CTNND2: variants seen among roughly 807,000 people sequenced by gnomAD.
CTNND2 encodes catenin delta 2, also known as catenin delta-2.
A neutral mutation model predicts 144.4 loss-of-function variants in CTNND2; 22 were observed. The observed-to-expected ratio is 0.15, with a 90% confidence interval of 0.11 to 0.22. The LOEUF (loss-of-function observed/expected upper bound fraction) is 0.22, where lower values mean the gene tolerates loss of function less well. CTNND2 is among the 10% of genes least tolerant of loss of function. The pLI is 1.00. For missense variants in CTNND2, 1,353 were observed against 1,618.8 expected (o/e 0.84, Z 2.82); for synonymous variants, 751 against 695.6 (o/e 1.08, Z -1.25).
intron 3 of CTNND2, among the ~76,000 whole-genome samples, chr5:11,495,786 C>T (rs1001898906): frequency 6.6e-6 from 1 of 152,106 alleles, no homozygotes; most frequent in Non-Finnish European, 1.5e-5. Context: ...AGAAAATCAC[C>T]GAAGTTCTGA....
At chr5:11,039,595 T>A (rs531217223) in intron 16 of CTNND2, among the ~76,000 whole-genome samples, 24 of 152,348 alleles carry the variant, frequency 1.6e-4, no homozygotes, top group Non-Finnish European at 2.8e-4. Context: ...AATCTGCCTG[T>A]TGTTTTAATT....
At chr5:11,089,342 G>A (rs1750517297) in intron 15 of CTNND2, among the ~76,000 whole-genome samples, 1 of 152,214 alleles carries the variant, frequency 6.6e-6, no homozygotes, top group African/African-American at 2.4e-5. Flanking sequence ...CTGGAAGTGT[G>A]CTTCCTCACC....
At chr5:11,028,333 T>G (rs2149547457) in intron 16 of CTNND2, among the ~76,000 whole-genome samples, 1 of 152,320 alleles carries the variant, frequency 6.6e-6, no homozygotes, top group South Asian at 2.1e-4. Flanking sequence ...TGTGGGTTTT[T>G]GCTGAGGTGC....
chr5:11,105,106 T>C (rs1752297969), intron 14 of CTNND2, among the ~76,000 whole-genome samples: 1 of 152,178 alleles, frequency 6.6e-6, no homozygotes, highest in East Asian at 1.9e-4. Context: ...CTTCCCAAAG[T>C]CACTGTGATG....
chr5:11,527,109 G>C (rs114766255), intron 3 of CTNND2, among the ~76,000 whole-genome samples: 170 of 152,150 alleles, frequency 1.1e-3, no homozygotes, highest in African/African-American at 4.0e-3. Flanking sequence ...TATACTTTCA[G>C]TTTTGGAAGA....
At chr5:11,692,226 A>C (rs967720484) in intron 2 of CTNND2, among the ~76,000 whole-genome samples, 6 of 152,208 alleles carry the variant, frequency 3.9e-5, no homozygotes, top group African/African-American at 1.4e-4. Context: ...CATAACTATT[A>C]GGGGTTTTTA....
At position 11,384,054 on chromosome 5, in the gene CTNND2, T is replaced by C. The variant is rs1005499940; in HGVS notation, c.1177+611A>G. Among the ~76,000 whole-genome samples the C allele has an allele frequency of 2.6e-5, 4 of 152,178 alleles. No individual in the cohort carries two copies. The highest frequency in any genetic ancestry group is 5.9e-5 in the Non-Finnish European group (4 of 68,038). On this transcript the variant is annotated intron_variant, in intron 7 of 21. Coordinates refer to ENST00000304623, the MANE Select transcript of CTNND2 (RefSeq NM_001332.4). This position sits in a 1 kb window ranked among gnomAD's most constrained non-coding sequence, Gnocchi z 5.2. ...ATCATTGCTAACTTTGTCGCAAATG[T>C]TAGGACCCAAGTACATCCAATGACA...
chr5:11,073,002 A>G (rs982561015), intron 16 of CTNND2, among the ~76,000 whole-genome samples: 4 of 152,218 alleles, frequency 2.6e-5, no homozygotes, highest in Admixed American at 2.0e-4. Context: ...CTGAAACCCA[A>G]TTACAGCTGT....
At chr5:10,977,024 A>G (rs994059848) in intron 21 of CTNND2, among the ~76,000 whole-genome samples, 1 of 152,252 alleles carries the variant, frequency 6.6e-6, no homozygotes, top group African/African-American at 2.4e-5. Flanking sequence ...GATGGGCCCC[A>G]GCAATCTGTG....
chr5:11,874,704 T>C (rs1290907946), intron 1 of CTNND2, among the ~76,000 whole-genome samples: 1 of 152,204 alleles, frequency 6.6e-6, no homozygotes, highest in Non-Finnish European at 1.5e-5. Context: ...AAGTTAAAAC[T>C]TATGAATTGC....
At chr5:11,851,894 C>T (rs1026913264) in intron 1 of CTNND2, among the ~76,000 whole-genome samples, 4 of 152,204 alleles carry the variant, frequency 2.6e-5, no homozygotes, top group Non-Finnish European at 4.4e-5. Flanking sequence ...GCAGTCGATG[C>T]TTTCTAGAAA....
intron 2 of CTNND2, among the ~76,000 whole-genome samples, chr5:11,573,446 C>G (rs1216401718): frequency 6.6e-6 from 1 of 152,056 alleles, no homozygotes; most frequent in Non-Finnish European, 1.5e-5. Context: ...TTAATTTTAC[C>G]CCACTGAAAC....
intron 3 of CTNND2, among the ~76,000 whole-genome samples, chr5:11,561,690 T>A (rs1031045728): frequency 3.3e-5 from 5 of 152,188 alleles, no homozygotes; most frequent in Non-Finnish European, 7.3e-5. Flanking sequence ...TTGACTTGTA[T>A]TACAAATGCA....
chr5:11,567,483 T>A (rs1418152428), intron 2 of CTNND2, among the ~76,000 whole-genome samples: 1 of 152,242 alleles, frequency 6.6e-6, no homozygotes, highest in Non-Finnish European at 1.5e-5. Context: ...AAGTGCATTT[T>A]AGGCCACTTG....
At chr5:11,221,122 G>A (rs1056965211) in intron 10 of CTNND2, among the ~76,000 whole-genome samples, 1 of 152,182 alleles carries the variant, frequency 6.6e-6, no homozygotes, top group Non-Finnish European at 1.5e-5. Flanking sequence ...ACAAACTAGA[G>A]TAGTCATATA....
intron 14 of CTNND2, among the ~76,000 whole-genome samples, chr5:11,102,969 G>GTTTTTTTTT (rs1752045639): frequency 9.1e-6 from 1 of 109,974 alleles, no homozygotes; most frequent in Non-Finnish European, 1.9e-5. Flanking sequence ...CTATTTAAAA[G>GTTTTTTTTT]ATTTTTTTTT....
intron 12 of CTNND2, among the ~76,000 whole-genome samples, chr5:11,131,722 G>T (rs149188423): frequency 0.088 from 13,332 of 152,148 alleles, 933 homozygotes; most frequent in Admixed American, 0.23. Context: ...CCGGGAGGCG[G>T]AGCTTGCAGT....
intron 10 of CTNND2, among the ~76,000 whole-genome samples, chr5:11,205,868 G>A (rs6879492): frequency 0.078 from 11,889 of 152,232 alleles, 600 homozygotes; most frequent in South Asian, 0.15. Context: ...ACATTGCAGT[G>A]ACTGGAGGTG....
At chr5:11,286,245 A>G (rs932432482) in intron 9 of CTNND2, among the ~76,000 whole-genome samples, 2 of 152,196 alleles carry the variant, frequency 1.3e-5, no homozygotes, top group Admixed American at 1.3e-4. Flanking sequence ...TAAGTAAAAA[A>G]AAAGAGACAT....
Sources: allele counts gnomAD v4.1 joint callset (sites outside exome capture counted in the v4.1 genomes callset), GRCh38; gene constraint gnomAD v4.1.1; non-coding constraint Gnocchi (gnomAD v3.1); transcripts MANE v1.5; gene names NCBI Gene and HGNC (gene_info 2026-07-23, HGNC 2026-07-21).